Variants in TGFB2 observed in about 807,000 individuals in gnomAD.
TGFB2 encodes transforming growth factor beta 2, also known as transforming growth factor beta-2 proprotein.
Under a neutral mutation model 42.7 loss-of-function variants are expected in TGFB2, and 13 were observed. The ratio of observed to expected loss-of-function variants is 0.30; its 90% CI spans 0.20 to 0.48. TGFB2 has a LOEUF of 0.48. TGFB2 is among the 20% of genes least tolerant of loss of function. The pLI is 0.99. For missense variants in TGFB2, 390 were observed against 517.5 expected (o/e 0.75, Z 2.39); for synonymous variants, 193 against 193.6 (o/e 1.00, Z 0.03).
chr1:218,394,154 C>A (rs1397399803), intron 1 of TGFB2, among the ~76,000 whole-genome samples: 2 of 152,154 alleles, frequency 1.3e-5, no homozygotes, highest in African/African-American at 4.8e-5. Context: ...CGTGATCCGC[C>A]CGCCTCGGCC....
chr1:218,376,840 A>G (rs1657757760), intron 1 of TGFB2, among the ~76,000 whole-genome samples: 1 of 152,358 alleles, frequency 6.6e-6, no homozygotes, highest in South Asian at 2.1e-4. Flanking sequence ...CTGCTGAATG[A>G]CATTTACAAG....
At chr1:218,361,132 C>T (rs990134444) in intron 1 of TGFB2, among the ~76,000 whole-genome samples, 7 of 152,186 alleles carry the variant, frequency 4.6e-5, no homozygotes, top group Non-Finnish European at 1.0e-4. Flanking sequence ...GGATTATAGG[C>T]GTGAGCCACC....
At chr1:218,428,588 AG>A (rs1659702992) in intron 2 of TGFB2, among the ~76,000 whole-genome samples, 1 of 152,222 alleles carries the variant, frequency 6.6e-6, no homozygotes, top group Admixed American at 6.5e-5. Flanking sequence ...TTTATTAAAT[AG>A]GGAATCCTTT....
At chr1:218,392,957 T>A (rs538196051) in intron 1 of TGFB2, among the ~76,000 whole-genome samples, 1 of 152,304 alleles carries the variant, frequency 6.6e-6, no homozygotes, top group African/African-American at 2.4e-5. Context: ...TGCCTCAAAG[T>A]AATTAGGCAA....
chr1:218,399,525 A>T (rs1218022120), intron 1 of TGFB2, among the ~76,000 whole-genome samples: 1 of 152,248 alleles, frequency 6.6e-6, no homozygotes, highest in Non-Finnish European at 1.5e-5. Context: ...TGAACATTGT[A>T]GTGAAAGGTG....
At chr1:218,372,481 T>C (rs546941276) in intron 1 of TGFB2, among the ~76,000 whole-genome samples, 1 of 152,348 alleles carries the variant, frequency 6.6e-6, no homozygotes, top group African/African-American at 2.4e-5. Context: ...GTCCATTGTC[T>C]ATACTCAGGA....
intron 2 of TGFB2, among the ~76,000 whole-genome samples, chr1:218,421,857 C>T (rs1238495740): frequency 6.6e-6 from 1 of 152,052 alleles, no homozygotes; most frequent in Non-Finnish European, 1.5e-5. Flanking sequence ...AAGATGAAGG[C>T]AGAAATTGAA....
chr1:218,357,148 G>T (rs939049066), intron 1 of TGFB2, among the ~76,000 whole-genome samples: 1 of 151,706 alleles, frequency 6.6e-6, no homozygotes, highest in Non-Finnish European at 1.5e-5. Context: ...GGAGGCAGAG[G>T]TTGCAGTGAG....
intron 2 of TGFB2, among the ~76,000 whole-genome samples, chr1:218,421,413 A>G (rs1032806362): frequency 6.0e-5 from 9 of 150,594 alleles, no homozygotes; most frequent in Admixed American, 4.0e-4. Context: ...CCGATTGTTC[A>G]GGGGCTTATT....
intron 1 of TGFB2, among the ~76,000 whole-genome samples, chr1:218,383,086 T>C (rs1658017827): frequency 6.6e-6 from 1 of 152,148 alleles, no homozygotes; most frequent in Non-Finnish European, 1.5e-5. Context: ...TAAGGAAAGG[T>C]TTCAAGGGAG....
chr1:218,377,490 A>G (rs1042430870), intron 1 of TGFB2, among the ~76,000 whole-genome samples: 3 of 152,226 alleles, frequency 2.0e-5, no homozygotes, highest in African/African-American at 4.8e-5. Context: ...AAACCCCAGT[A>G]AAATGTGGTT....
At chr1:218,430,237 AT>A (rs1298280021) in intron 2 of TGFB2, among the ~76,000 whole-genome samples, 1 of 152,032 alleles carries the variant, frequency 6.6e-6, no homozygotes, top group Non-Finnish European at 1.5e-5. Flanking sequence ...TACTAAAAAT[AT>A]AAAAAATTAG....
intron 1 of TGFB2, among the ~76,000 whole-genome samples, chr1:218,372,750 G>C (rs1406528199): frequency 6.6e-6 from 1 of 152,138 alleles, no homozygotes; most frequent in Non-Finnish European, 1.5e-5. Context: ...GTAGTGCAGA[G>C]GTTCTCAACT....
At chr1:218,402,754 G>A (rs11466394) in intron 1 of TGFB2, among the ~76,000 whole-genome samples, 30 of 152,294 alleles carry the variant, frequency 2.0e-4, no homozygotes, top group Non-Finnish European at 4.1e-4. Flanking sequence ...CAGGAAACAC[G>A]CTAAATTAGC....
intron 1 of TGFB2, 116 bp downstream of exon 1, chr1:218,347,163 C>A: frequency 1.1e-6 from 1 of 904,600 alleles, no homozygotes; most frequent in Non-Finnish European, 1.7e-6. Context: ...GCTCTTTTCC[C>A]GTTCTCCTGT....
chr1:218,416,385 T>C (rs1659281349), intron 2 of TGFB2, among the ~76,000 whole-genome samples: 1 of 152,148 alleles, frequency 6.6e-6, no homozygotes, highest in Admixed American at 6.5e-5. Context: ...GCATGTTTTT[T>C]TTCTCAATGC....
intron 2 of TGFB2, among the ~76,000 whole-genome samples, chr1:218,430,136 C>T (rs760106119): frequency 1.3e-5 from 2 of 152,016 alleles, no homozygotes; most frequent in Non-Finnish European, 1.5e-5. Flanking sequence ...AGAGGCCGGG[C>T]GTGGTAGCTC....
At chr1:218,439,001 C>T (rs746289663) in intron 6 of TGFB2, among the ~76,000 whole-genome samples, 11 of 150,224 alleles carry the variant, frequency 7.3e-5, no homozygotes, top group Non-Finnish European at 1.2e-4. Flanking sequence ...CCCAGCTACT[C>T]GGGAGGTTGA....
intron 1 of TGFB2, among the ~76,000 whole-genome samples, chr1:218,378,962 C>T (rs1657852556): frequency 6.6e-6 from 1 of 152,000 alleles, no homozygotes; most frequent in East Asian, 1.9e-4. Flanking sequence ...CTGAGCAGCA[C>T]CTTCTCAGGC....
Sources: gnomAD v4.1 joint callset for allele counts (sites outside exome capture counted in the v4.1 genomes callset) on GRCh38, gnomAD v4.1.1 for gene constraint, MANE v1.5 for transcripts, NCBI Gene and HGNC (gene_info 2026-07-23, HGNC 2026-07-21) for gene names.